Variants in DCDC1 observed in about 807,000 individuals in gnomAD.
DCDC1 encodes doublecortin domain-containing protein 1.
A neutral mutation model predicts 178.3 loss-of-function variants in DCDC1; 200 were observed. The ratio of observed to expected loss-of-function variants is 1.12; its 90% CI spans 1.00 to 1.26. The LOEUF (loss-of-function observed/expected upper bound fraction) is 1.26. Among genes scored for constraint, DCDC1 ranks in the 50% most tolerant of loss-of-function variants. The pLI is 0.00. For synonymous variants in DCDC1, 690 were observed against 604.8 expected, an observed-to-expected ratio of 1.14 and a Z score of -2.07; for missense variants, 1,983 against 1,749.2, an observed-to-expected ratio of 1.13 and a Z score of -2.38.
At chr11:31,356,514 A>T (rs1951375646) in intron 1 of DCDC1, among the ~76,000 whole-genome samples, 1 of 151,896 alleles carries the variant, frequency 6.6e-6, no homozygotes, top group African/African-American at 2.4e-5. Flanking sequence ...CCCTAACATC[A>T]CAATTAAAAG....
chr11:31,274,712 T>A (rs941398209), intron 7 of DCDC1, among the ~76,000 whole-genome samples: 1 of 151,438 alleles, frequency 6.6e-6, no homozygotes, highest in African/African-American at 2.4e-5. Context: ...TTTTTTTTTT[T>A]TTTTCCGAGA....
In DCDC1 at chr11:30,915,608, C is replaced by A. The variant is rs1331136008; in HGVS notation, c.3556G>T (p.Val1186Phe). Residue 1186 changes from valine to phenylalanine, a missense_variant, in exon 27 of 39, where the codon GTT becomes TTT. Coordinates refer to ENST00000684477, the MANE Select transcript of DCDC1 (RefSeq NM_001387274.1). ...CCTGATCGGAGATTGGGACCTTGAA[C>A]CCCCAAGACTAGCTGAGGAGCAGCA... ...SHAAPQLVLG[V>F]QGPNLRSGME... 6.2e-7 allele frequency: 1 copy of A among 1,613,968 alleles called. No individual in the cohort carries two copies. The highest frequency in any genetic ancestry group is 8.5e-7 in the Non-Finnish European group (1 of 1,179,856).
intron 38 of DCDC1, among the ~76,000 whole-genome samples, chr11:30,868,542 C>T (rs1214388981): frequency 6.6e-6 from 1 of 152,096 alleles, no homozygotes; most frequent in Non-Finnish European, 1.5e-5. Context: ...TGAGCCACCA[C>T]GCCCAGCCCA....
At chr11:30,974,856 C>T (rs1372922256) in intron 20 of DCDC1, among the ~76,000 whole-genome samples, 1 of 152,078 alleles carries the variant, frequency 6.6e-6, no homozygotes, top group Non-Finnish European at 1.5e-5. Flanking sequence ...ATGGAACTCT[C>T]TCTAGCTCAT....
At chr11:31,266,090 T>C (rs981348048) in intron 7 of DCDC1, among the ~76,000 whole-genome samples, 3 of 152,034 alleles carry the variant, frequency 2.0e-5, no homozygotes, top group African/African-American at 7.2e-5. Flanking sequence ...TTTTAAATGT[T>C]TTCCAAATGT....
At chr11:31,054,632 A>C (rs1487413439) in intron 20 of DCDC1, among the ~76,000 whole-genome samples, 1 of 152,254 alleles carries the variant, frequency 6.6e-6, no homozygotes, top group Non-Finnish European at 1.5e-5. Flanking sequence ...TGGTGTAAAA[A>C]TAGGCACATA....
intron 9 of DCDC1, among the ~76,000 whole-genome samples, chr11:31,221,581 T>C (rs958179597): frequency 1.3e-5 from 2 of 152,190 alleles, no homozygotes; most frequent in Non-Finnish European, 2.9e-5. Flanking sequence ...GCAGGATATC[T>C]GACAGCCTTC....
At chr11:31,076,773 T>C (rs899448945) in intron 18 of DCDC1, among the ~76,000 whole-genome samples, 8 of 152,268 alleles carry the variant, frequency 5.3e-5, no homozygotes, top group Middle Eastern at 6.8e-3. Context: ...TGATATACTT[T>C]CCAGTGTCAT....
intron 10 of DCDC1, among the ~76,000 whole-genome samples, chr11:31,135,646 A>C (rs1021118200): frequency 3.3e-5 from 5 of 152,204 alleles, no homozygotes; most frequent in Non-Finnish European, 5.9e-5. Context: ...ATATGAACAT[A>C]CACATACATG....
chr11:30,873,295 A>C (rs894296953), intron 38 of DCDC1, among the ~76,000 whole-genome samples: 32 of 150,072 alleles, frequency 2.1e-4, no homozygotes, highest in African/African-American at 7.8e-4. Flanking sequence ...TTAAACTTTT[A>C]TATTTGTATA....
chr11:31,086,731 T>A (rs1169729925), intron 17 of DCDC1, among the ~76,000 whole-genome samples: 2 of 152,180 alleles, frequency 1.3e-5, no homozygotes, highest in Admixed American at 6.5e-5. Flanking sequence ...CTTAAGCTAT[T>A]CTTGCACTCC....
At chr11:30,992,465 T>C (rs1951042566) in intron 20 of DCDC1, 1 of 152,138 alleles carries the variant, frequency 6.6e-6, no homozygotes, top group Non-Finnish European at 1.5e-5. Context: ...CAACCTGACT[T>C]TTCATATTCA....
intron 9 of DCDC1, among the ~76,000 whole-genome samples, chr11:31,175,571 C>T (rs887561499): frequency 2.0e-5 from 3 of 152,196 alleles, no homozygotes; most frequent in Admixed American, 1.3e-4. Context: ...AAGACCACCA[C>T]AGGGCTGCTC....
At chr11:30,899,256 T>G (rs189624728) in intron 34 of DCDC1, among the ~76,000 whole-genome samples, 245 of 152,186 alleles carry the variant, frequency 1.6e-3, no homozygotes, top group African/African-American at 5.7e-3. Context: ...AACAATGAGG[T>G]AGTTTCTCTT....
At chr11:31,308,680 C>T (rs955091589) in intron 3 of DCDC1, among the ~76,000 whole-genome samples, 13 of 152,114 alleles carry the variant, frequency 8.5e-5, no homozygotes, top group African/African-American at 2.9e-4. Context: ...CAGGGAACCA[C>T]ATGACCTGGA....
intron 9 of DCDC1, among the ~76,000 whole-genome samples, chr11:31,138,415 T>G (rs1963421527): frequency 6.6e-6 from 1 of 152,208 alleles, no homozygotes; most frequent in Non-Finnish European, 1.5e-5. Context: ...TAGAAACAAA[T>G]GCTATTTTCA....
At chr11:30,939,698 T>TTTTG (rs1304826559) in intron 21 of DCDC1, among the ~76,000 whole-genome samples, 4 of 152,180 alleles carry the variant, frequency 2.6e-5, no homozygotes, top group African/African-American at 9.6e-5. Context: ...CACCTCTACA[T>TTTTG]TTTGTTTGCT....
intron 20 of DCDC1, among the ~76,000 whole-genome samples, chr11:30,964,170 A>G (rs1030306507): frequency 1.3e-5 from 2 of 152,170 alleles, no homozygotes; most frequent in Non-Finnish European, 2.9e-5. Flanking sequence ...TAAACAACAC[A>G]ATTTTAGAAT....
intron 20 of DCDC1, among the ~76,000 whole-genome samples, chr11:31,000,037 T>C (rs991030319): frequency 2.0e-5 from 3 of 152,146 alleles, no homozygotes; most frequent in Non-Finnish European, 2.9e-5. Flanking sequence ...CTGTGCTGGC[T>C]GTGGAGGAGC....
Sources: allele counts gnomAD v4.1 joint callset (sites outside exome capture counted in the v4.1 genomes callset), GRCh38; gene constraint gnomAD v4.1.1; transcripts MANE v1.5; gene names NCBI Gene and HGNC (gene_info 2026-07-23, HGNC 2026-07-21).